PTMS: variants seen among roughly 807,000 people sequenced by gnomAD.
PTMS encodes the protein parathymosin.
In PTMS, 5 loss-of-function variants were observed where a neutral mutation model predicts 18.4. The ratio of observed to expected loss-of-function variants is 0.27; its 90% CI spans 0.14 to 0.57. PTMS has a LOEUF of 0.57. Among genes scored for constraint, PTMS ranks in the 20% least tolerant of loss-of-function variants. The probability of loss-of-function intolerance (pLI) is 0.92; values close to 1 mark genes in which losing one functional copy is unlikely to be tolerated. For missense variants in PTMS, 93 were observed against 124.6 expected (o/e 0.75, Z 1.21); for synonymous variants, 53 against 47.7 (o/e 1.11, Z -0.46).
intron 1 of PTMS, among the ~76,000 whole-genome samples, chr12:6,767,988 TCTAA>T (rs1941795039): frequency 1.3e-5 from 2 of 152,180 alleles, no homozygotes; most frequent in African/African-American, 2.4e-5. Context: ...GGTGCTCCTC[TCTAA>T]CTGTGTCTGT....
chr12:6,768,256 G>T (rs1266956330), intron 1 of PTMS, among the ~76,000 whole-genome samples: 2 of 152,194 alleles, frequency 1.3e-5, no homozygotes, highest in African/African-American at 2.4e-5. Flanking sequence ...TGGTGCTGGG[G>T]CCCCCAGAGA....
At chr12:6,769,835 A>G in intron 2 of PTMS, 86 bp from the exon 3 acceptor site, 2 of 1,609,256 alleles carry the variant, frequency 1.2e-6, no homozygotes, top group Non-Finnish European at 1.7e-6. Flanking sequence ...AAGCCCTTTT[A>G]TCACCCAGGC....
intron 1 of PTMS, among the ~76,000 whole-genome samples, chr12:6,769,388 C>T (rs1363400105): frequency 6.6e-6 from 1 of 152,100 alleles, no homozygotes; most frequent in Non-Finnish European, 1.5e-5. Context: ...CCCTTTCCCA[C>T]CTCACCTTGG....
At position 6,766,481 on chromosome 12, in the gene PTMS, G is replaced by A. The variant is rs2137796700; in HGVS notation, c.-225G>A. 7.7e-6 allele frequency: 2 copies of A among 260,410 alleles called. No homozygotes were observed. Among genetic ancestry groups the A allele is most frequent in the Admixed American group, 4.6e-5 (1 of 21,956 alleles). 16.1% of individuals were successfully genotyped at this position (260,410 alleles called of 1,614,324 possible). On this transcript the variant is annotated 5_prime_UTR_variant, in exon 1 of 5. Transcript: ENST00000309083. ...CCTTCCGCCCGCCCTCCGGACGGCCGCAGCCCTGCGGGTCTCCGCTCCAGA... is the reference window on the plus strand; with the variant it reads ...CCTTCCGCCCGCCCTCCGGACGGCCACAGCCCTGCGGGTCTCCGCTCCAGA...
chr12:6,767,497 C>T (rs545002669), intron 1 of PTMS: 2 of 152,048 alleles, frequency 1.3e-5, no homozygotes, highest in African/African-American at 2.4e-5. Context: ...TTCCAGCCTT[C>T]CTCTAATTTC....
intron 1 of PTMS, among the ~76,000 whole-genome samples, chr12:6,768,844 T>C (rs1941802941): frequency 6.6e-6 from 1 of 152,110 alleles, no homozygotes; most frequent in South Asian, 2.1e-4. Context: ...ACAGACCTTG[T>C]TTGTTGCTCT....
At position 6,766,539 on chromosome 12, in the gene PTMS, G is replaced by A. The variant is rs1001373825; in HGVS notation, c.-167G>A. ...CCGCCCCACCCCGCGCGCCTCTGCC[G>A]CCTCTTCCAGAGACCCAGCTTGCCG... is the stretch of plus-strand genomic sequence containing the variant. On this transcript the variant is annotated 5_prime_UTR_variant, in exon 1 of 5. Coordinates refer to ENST00000309083, the MANE Select transcript of PTMS (RefSeq NM_002824.6). 3.4e-5 allele frequency: 7 copies of A among 203,562 alleles called. No homozygotes were observed. Among genetic ancestry groups the A allele is most frequent in the African/African-American group, 8.3e-5 (3 of 35,942 alleles). 12.6% of individuals were successfully genotyped at this position (203,562 alleles called of 1,614,324 possible).
intron 1 of PTMS, 83 bp from the exon 2 acceptor site, chr12:6,769,520 T>C: frequency 6.9e-7 from 1 of 1,440,338 alleles, no homozygotes; most frequent in Non-Finnish European, 9.8e-7. Flanking sequence ...CTAAGCTCAC[T>C]ACAGAGGGAG....
At chr12:6,768,075 G>T (rs1318848980) in intron 1 of PTMS, among the ~76,000 whole-genome samples, 2 of 152,232 alleles carry the variant, frequency 1.3e-5, no homozygotes, top group Admixed American at 1.3e-4. Flanking sequence ...CTTAGCAGAA[G>T]ACCTAGGGCC....
Position 6,770,585 on chromosome 12 carries a change from T to C in PTMS, c.*143T>C. 1 of 981,244 alleles carries C rather than the reference T, an allele frequency of 1.0e-6. No homozygotes were observed. Among genetic ancestry groups the C allele is most frequent in the Non-Finnish European group, 1.6e-6 (1 of 644,978 alleles). 60.8% of individuals were successfully genotyped at this position (981,244 alleles called of 1,614,324 possible). On this transcript the variant is annotated 3_prime_UTR_variant, in exon 5 of 5. Transcript: ENST00000309083. This position sits in a 1 kb window ranked among gnomAD's most constrained non-coding sequence, Gnocchi z 7.3. ...CCACCCTCTTCTTTCTCCCCAGCCT[T>C]CTCATTTCCGCCTCTCCAGACACTG...
chr12:6,768,408 A>G (rs943211175), intron 1 of PTMS, among the ~76,000 whole-genome samples: 1 of 152,134 alleles, frequency 6.6e-6, no homozygotes, highest in Non-Finnish European at 1.5e-5. Context: ...AGTGAGAGTG[A>G]AGAGTTCTGA....
In PTMS at chr12:6,766,505, G is replaced by GGGGGGCCCCCCC; in HGVS notation, c.-201_-200insGGGGGCCCCCCC. On this transcript the variant is annotated 5_prime_UTR_variant, in exon 1 of 5. Transcript: ENST00000309083. The stretch of plus-strand genomic sequence containing the variant: ...CGCAGCCCTGCGGGTCTCCGCTCCA[G>GGGGGGCCCCCCC]ACCCACCCCCGCCCCACCCCGCGCG... 3.8e-6 allele frequency: 1 copy of GGGGGGCCCCCCC among 266,496 alleles called. No homozygotes were observed. The highest frequency in any genetic ancestry group is 3.3e-5 in the South Asian group (1 of 30,016). 16.5% of individuals were successfully genotyped at this position (266,496 alleles called of 1,614,324 possible).
intron 1 of PTMS, among the ~76,000 whole-genome samples, chr12:6,768,558 G>A (rs1195854841): frequency 6.6e-6 from 1 of 152,164 alleles, no homozygotes; most frequent in Non-Finnish European, 1.5e-5. Context: ...CCATTCACAT[G>A]GAATCAGATA....
At chr12:6,767,189 C>G (rs984734238) in intron 1 of PTMS, 12 of 152,004 alleles carry the variant, frequency 7.9e-5, no homozygotes, top group African/African-American at 2.9e-4. Flanking sequence ...CAGGACTCTC[C>G]CTGGAGGCTG....
At chr12:6,767,757 G>A (rs1042870927) in intron 1 of PTMS, among the ~76,000 whole-genome samples, 12 of 152,268 alleles carry the variant, frequency 7.9e-5, no homozygotes, top group African/African-American at 2.9e-4. Context: ...CGGGCTGTGC[G>A]GTGGCATGTG....
At chr12:6,766,898 C>T in intron 1 of PTMS, 148 bp downstream of exon 1, 2 of 418,612 alleles carry the variant, frequency 4.8e-6, no homozygotes, top group Non-Finnish European at 6.5e-6. Flanking sequence ...GCTCCCCGGC[C>T]CGGAGCTCCT....
In PTMS at chr12:6,769,614, G is replaced by C; in HGVS notation, c.57G>C (p.Glu19Asp). The C allele has an allele frequency of 6.2e-7, 1 of 1,614,072 alleles. No individual in the cohort carries two copies. Among genetic ancestry groups the C allele is most frequent in the Non-Finnish European group, 8.5e-7 (1 of 1,179,972 alleles). ...TTTCTCCTTTGCAGGACCTGAAGGAGAAGAAGGAGAAGGTGGAGGAGAAGG... is the reference window on the plus strand; with the variant it reads ...TTTCTCCTTTGCAGGACCTGAAGGACAAGAAGGAGAAGGTGGAGGAGAAGG... ...AAELSAKDLK[E>D]KKEKVEEKAS... The change falls in exon 2 of 5, where the codon GAG becomes GAC. Residue 19 changes from glutamate to aspartate, a missense_variant. Physicochemically the swap from Glu to Asp is conservative, Grantham distance 45. Transcript: ENST00000309083.
At chr12:6,768,783 G>A (rs989761605) in intron 1 of PTMS, among the ~76,000 whole-genome samples, 4 of 152,108 alleles carry the variant, frequency 2.6e-5, no homozygotes, top group Middle Eastern at 3.4e-3. Context: ...CTGGTGGGAG[G>A]GTCTCCTAGA....
chr12:6,766,589 C>A lies in PTMS; in HGVS notation c.-117C>A. 1 of 525,830 alleles carries A rather than the reference C, an allele frequency of 1.9e-6. No individual in the cohort carries two copies. Among genetic ancestry groups the A allele is most frequent in the Non-Finnish European group, 2.6e-6 (1 of 379,298 alleles). The allele number at this position is 525,830 out of a possible 1,614,324, so 32.6% of individuals were successfully genotyped here. On this transcript the variant is annotated 5_prime_UTR_variant, in exon 1 of 5. Transcript: ENST00000309083. Reference sequence around the variant, plus strand: ...GAGCGGCCGCCGCTGCCGCTGTCGCCGCCGCCGCCGCCACCGCGCCAGGTT... The same window carrying A: ...GAGCGGCCGCCGCTGCCGCTGTCGCAGCCGCCGCCGCCACCGCGCCAGGTT...
Sources: allele counts gnomAD v4.1 joint callset (sites outside exome capture counted in the v4.1 genomes callset), GRCh38; gene constraint gnomAD v4.1.1; non-coding constraint Gnocchi (gnomAD v3.1); transcripts MANE v1.5; gene names NCBI Gene and HGNC (gene_info 2026-07-23, HGNC 2026-07-21).